The following SYNPO2 variants were observed in gnomAD, a reference collection of about 807,000 sequenced individuals.
The protein encoded by SYNPO2 is synaptopodin 2, also known as synaptopodin-2.
A neutral mutation model predicts 85.0 loss-of-function variants in SYNPO2; 56 were observed. The ratio of observed to expected loss-of-function variants is 0.66; its 90% confidence interval spans 0.53 to 0.82. The LOEUF is 0.82. Among genes scored for constraint, SYNPO2 ranks in the 40% least tolerant of loss-of-function variants. The pLI is 0.00. For synonymous variants in SYNPO2, 602 were observed against 591.1 expected (o/e 1.02, Z -0.27); for missense variants, 1,575 against 1,534.2 (o/e 1.03, Z -0.44).
chr4:118,930,604 A>G (rs1217637434), intron 1 of SYNPO2, among the ~76,000 whole-genome samples: 2 of 151,954 alleles, frequency 1.3e-5, no homozygotes, highest in Admixed American at 6.6e-5. Context: ...ATCTGGGTGT[A>G]TTGCCTCCAT....
chr4:118,867,189 G>GT (rs1220663476), intron 1 of SYNPO2, among the ~76,000 whole-genome samples: 1 of 152,044 alleles, frequency 6.6e-6, no homozygotes, highest in African/African-American at 2.4e-5. Context: ...GTTTGCGAAC[G>GT]TTTGCTCTAG....
intron 1 of SYNPO2, among the ~76,000 whole-genome samples, chr4:119,008,062 T>A (rs544124164): frequency 6.6e-6 from 1 of 152,174 alleles, no homozygotes; most frequent in Admixed American, 6.5e-5. Flanking sequence ...CAGCTTTCCA[T>A]TTCTGAGAGG....
chr4:119,023,333 C>T, intron 1 of SYNPO2, 97 bp from the exon 2 acceptor site: 1 of 1,294,878 alleles, frequency 7.7e-7, no homozygotes, highest in Non-Finnish European at 1.0e-6. Context: ...AAATTCAGGG[C>T]TGGTGTTACT....
chr4:118,890,832 C>T (rs1732353094), intron 1 of SYNPO2, among the ~76,000 whole-genome samples: 1 of 151,918 alleles, frequency 6.6e-6, no homozygotes, highest in African/African-American at 2.4e-5. Context: ...GTCTACGAAG[C>T]TCTGTCTTGC....
At chr4:118,883,159 C>T (rs1394127895) in intron 1 of SYNPO2, among the ~76,000 whole-genome samples, 4 of 151,684 alleles carry the variant, frequency 2.6e-5, no homozygotes, top group South Asian at 2.1e-4. Context: ...AAAATCATGA[C>T]GCATCTTTCC....
chr4:118,879,219 C>T (rs762382536), intron 1 of SYNPO2, among the ~76,000 whole-genome samples: 15 of 152,140 alleles, frequency 9.9e-5, no homozygotes, highest in South Asian at 4.1e-4. Context: ...GATAAGGGTC[C>T]GTGGCTTCAT....
At chr4:118,939,141 A>G (rs1026089454) in intron 1 of SYNPO2, among the ~76,000 whole-genome samples, 6 of 152,228 alleles carry the variant, frequency 3.9e-5, no homozygotes, top group Non-Finnish European at 7.3e-5. Context: ...TCTCCTTGAC[A>G]ACAACAACAA....
At chr4:119,002,694 T>C (rs2149173850) in intron 1 of SYNPO2, among the ~76,000 whole-genome samples, 1 of 152,304 alleles carries the variant, frequency 6.6e-6, no homozygotes, top group Middle Eastern at 3.4e-3. Flanking sequence ...CAAGTTGGAT[T>C]CCCTATTTCT....
At chr4:118,869,272 G>A (rs986153203) in intron 1 of SYNPO2, among the ~76,000 whole-genome samples, 4 of 151,982 alleles carry the variant, frequency 2.6e-5, no homozygotes, top group Non-Finnish European at 5.9e-5. Flanking sequence ...TGGTCAGGCT[G>A]GTCTCAAACT....
intron 1 of SYNPO2, among the ~76,000 whole-genome samples, chr4:118,883,012 C>T (rs1473546514): frequency 6.6e-6 from 1 of 151,332 alleles, no homozygotes; most frequent in East Asian, 1.9e-4. Flanking sequence ...CCGCCCTCCT[C>T]GGCCTCCCAA....
Position 119,026,793 on chromosome 4 carries a change from C to T in SYNPO2, c.424C>T (p.Leu142=). ...FLAPVKTEVP[L]AENQRSGPDC... ...CGCCCCTGTCAAGACTGAAGTTCCC[C>T]TAGCTGAGAACCAAAGAAGTGGTCC... Residue 142 remains leucine (L), a synonymous_variant, in exon 3 of 5, where the codon CTA becomes TTA. Coordinates refer to ENST00000307142, the MANE Select transcript of SYNPO2 (RefSeq NM_133477.3). 1 of 1,599,640 alleles carries T rather than the reference C, an allele frequency of 6.3e-7. No homozygotes were observed. Among genetic ancestry groups the T allele is most frequent in the Non-Finnish European group, 8.5e-7 (1 of 1,173,268 alleles).
At chr4:118,974,042 A>G (rs543792482) in intron 1 of SYNPO2, among the ~76,000 whole-genome samples, 1 of 152,358 alleles carries the variant, frequency 6.6e-6, no homozygotes, top group Non-Finnish European at 1.5e-5. Flanking sequence ...TATCTTGGTC[A>G]TATGATTTTA....
At chr4:118,863,194 C>T (rs1478332105) in intron 1 of SYNPO2, among the ~76,000 whole-genome samples, 1 of 152,170 alleles carries the variant, frequency 6.6e-6, no homozygotes, top group South Asian at 2.1e-4. Context: ...TGGAAGTACT[C>T]CCTTCTCCTC....
intron 1 of SYNPO2, among the ~76,000 whole-genome samples, chr4:118,919,169 T>C (rs1270785340): frequency 6.6e-6 from 1 of 152,166 alleles, no homozygotes; most frequent in African/African-American, 2.4e-5. Flanking sequence ...ATTGAATACT[T>C]ACATAATATG....
intron 1 of SYNPO2, among the ~76,000 whole-genome samples, chr4:118,976,493 G>C (rs1055330883): frequency 2.0e-4 from 31 of 152,272 alleles, no homozygotes; most frequent in Middle Eastern, 3.4e-3. Context: ...TGCTGGCTAG[G>C]GCAGCCTGCT....
In SYNPO2 at chr4:118,965,416, A is replaced by AAGCTCC. The variant is rs1178065717; in HGVS notation, c.106-58005_106-58000dup. On this transcript the variant is annotated intron_variant, in intron 1 of 4. Transcript: ENST00000307142. ...CCTGCACTGCATTCTACCCTCCTTC[A>AAGCTCC]AGCTCCAGCTCCAGGATGCTCTTGC... Among the ~76,000 whole-genome samples the AAGCTCC allele has an allele frequency of 3.3e-5, 5 of 152,032 alleles. No homozygotes were observed. The South Asian group carries it at 1.0e-3, about 32-fold the overall frequency.
In SYNPO2 at chr4:118,888,900, T is replaced by A; in HGVS notation, c.-137T>A. 1.2e-6 allele frequency: 1 copy of A among 852,628 alleles called. No individual in the cohort carries two copies. The highest frequency in any genetic ancestry group is 1.9e-6 in the Non-Finnish European group (1 of 532,242). 52.8% of individuals were successfully genotyped at this position (852,628 alleles called of 1,614,324 possible). A position where few individuals can be genotyped will look rare whatever the true frequency, so the allele number is the denominator to read the frequency against. ...CTGGGGCGGCGGCTGGGGCAGCGGC[T>A]GCAGCAGCGGCGGACGCTCTGCATT... is the stretch of plus-strand genomic sequence containing the variant. On this transcript the variant is annotated 5_prime_UTR_variant, in exon 1 of 5. Coordinates refer to ENST00000307142, the MANE Select transcript of SYNPO2 (RefSeq NM_133477.3).
intron 1 of SYNPO2, among the ~76,000 whole-genome samples, chr4:118,880,844 T>A (rs1205182241): frequency 6.6e-6 from 1 of 152,224 alleles, no homozygotes; most frequent in Admixed American, 6.5e-5. Context: ...CTTCACTCTT[T>A]CTGATGTTTC....
At chr4:118,877,044 G>A (rs1420364460) in intron 1 of SYNPO2, among the ~76,000 whole-genome samples, 6 of 151,472 alleles carry the variant, frequency 4.0e-5, no homozygotes, top group Admixed American at 3.3e-4. Flanking sequence ...GGGTCCAAGC[G>A]ACCCTCCTGC....
Sources: allele counts gnomAD v4.1 joint callset (sites outside exome capture counted in the v4.1 genomes callset), GRCh38; gene constraint gnomAD v4.1.1; transcripts MANE v1.5; gene names NCBI Gene and HGNC (gene_info 2026-07-23, HGNC 2026-07-21).